Variants in MYOZ3 observed in about 807,000 individuals in gnomAD.
MYOZ3 encodes the protein myozenin 3.
MYOZ3 carries 19 observed loss-of-function variants against 26.5 expected under a neutral mutation model. The observed-to-expected ratio is 0.72, with a 90% CI of 0.50 to 1.05. The LOEUF (loss-of-function observed/expected upper bound fraction) is 1.05, where lower values mean the gene tolerates loss of function less well. Ranked by LOEUF, MYOZ3 falls within the 50% of genes least tolerant of loss-of-function variation. The pLI, the probability that MYOZ3 is intolerant of heterozygous loss-of-function variation, is 0.00. For synonymous variants in MYOZ3, 135 were observed against 138.8 expected (o/e 0.97, Z 0.19); for missense variants, 322 against 337.1 (o/e 0.96, Z 0.35).
chr5:150,679,242 G>C lies in MYOZ3; in HGVS notation c.*2367G>C, dbSNP rs1015882623. ...GCCACCAGGTATGAAAAGGAGCCTG[G>C]TGGGGAGACCACTGCACCCAAAACA... On this transcript the variant is annotated 3_prime_UTR_variant, in exon 7 of 7. Transcript: ENST00000517768. 1.3e-5 allele frequency: 2 copies of C among 152,088 alleles called. No homozygotes were observed. The highest frequency in any genetic ancestry group is 4.8e-5 in the African/African-American group (2 of 41,296). 9.4% of individuals were successfully genotyped at this position (152,088 alleles called of 1,614,324 possible).
chr5:150,668,310 T>C (rs1758839729), intron 2 of MYOZ3, among the ~76,000 whole-genome samples: 1 of 152,360 alleles, frequency 6.6e-6, no homozygotes, highest in South Asian at 2.1e-4. Flanking sequence ...TATTGCTAAA[T>C]ATAATAGTGG....
rs755230009 is a variant in MYOZ3, at chr5:150,672,304, A to G, written c.425-36A>G. ...AGGTGGGGTTGGGGGCTGAGGGTGG[A>G]AGAACGGAGGCGCTCCCTTCCCCCC... On this transcript the variant is annotated intron_variant, in intron 5 of 6. Coordinates refer to ENST00000517768, the MANE Select transcript of MYOZ3 (RefSeq NM_001122853.3). 1.9e-6 allele frequency: 3 copies of G among 1,561,920 alleles called. No homozygotes were observed. The Admixed American group carries it at 5.8e-5, about 30-fold the overall frequency.
intron 6 of MYOZ3, among the ~76,000 whole-genome samples, chr5:150,675,626 G>C (rs2151449935): frequency 6.6e-6 from 1 of 152,276 alleles, no homozygotes; most frequent in African/African-American, 2.4e-5. Flanking sequence ...GCCCTCCTCG[G>C]CCTCCCAAAG....
At chr5:150,673,737 C>T (rs1307607563) in intron 6 of MYOZ3, among the ~76,000 whole-genome samples, 1 of 152,170 alleles carries the variant, frequency 6.6e-6, no homozygotes, top group African/African-American at 2.4e-5. Flanking sequence ...GAAAACAAAC[C>T]ATAGGAATCA....
chr5:150,674,463 G>C (rs1355901521), intron 6 of MYOZ3, among the ~76,000 whole-genome samples: 1 of 152,258 alleles, frequency 6.6e-6, no homozygotes, highest in Non-Finnish European at 1.5e-5. Context: ...TCAGCTTCCA[G>C]GGTCCTGGGC....
At chr5:150,672,051 G>A (rs1451714610) in intron 5 of MYOZ3, 143 bp downstream of exon 5, 34 of 1,305,884 alleles carry the variant, frequency 2.6e-5, no homozygotes, top group Non-Finnish European at 3.5e-5. Flanking sequence ...CCCCTCGCCA[G>A]ACCACGAGCC....
rs982699590 is a variant in MYOZ3 at position 150,678,722 on chromosome 5, G to C, written c.*1847G>C. 1.3e-5 allele frequency: 2 copies of C among 152,216 alleles called. No individual in the cohort carries two copies. Among genetic ancestry groups the C allele is most frequent in the African/African-American group, 4.8e-5 (2 of 41,434 alleles). The allele number at this position is 152,216 out of a possible 1,614,324, so 9.4% of individuals were successfully genotyped here. On this transcript the variant is annotated 3_prime_UTR_variant, in exon 7 of 7. Transcript: ENST00000517768. Reference sequence around the variant, plus strand: ...GGACAAGTATAAAACCTCCTTTATGGGTTTGTTGTGAACACAGTGCAGGGC... The same window carrying C: ...GGACAAGTATAAAACCTCCTTTATGCGTTTGTTGTGAACACAGTGCAGGGC...
Position 150,663,026 on chromosome 5 carries a change from C to T in MYOZ3, c.61+24C>T, listed in dbSNP as rs60576922. 3,996 of 1,578,704 alleles carry T rather than the reference C, an allele frequency of 2.5e-3. 92 individuals are homozygous for T. The African/African-American group carries it at 0.048, about 19-fold the overall frequency. Reference sequence around the variant, plus strand: ...AGGTAAGGTGGTTCTAGCCTCATGCCTTCCTCAGACTCCATCATTTCCTTG... The same window carrying T: ...AGGTAAGGTGGTTCTAGCCTCATGCTTTCCTCAGACTCCATCATTTCCTTG... On this transcript the variant is annotated intron_variant, in intron 2 of 6. Transcript: ENST00000517768.
chr5:150,675,211 T>C (rs1581537676), intron 6 of MYOZ3, among the ~76,000 whole-genome samples: 1 of 150,704 alleles, frequency 6.6e-6, no homozygotes, highest in Admixed American at 6.6e-5. Flanking sequence ...TGCATGCCTG[T>C]AGGGGGAATG....
At chr5:150,666,982 C>T (rs1346977405) in intron 2 of MYOZ3, among the ~76,000 whole-genome samples, 1 of 152,152 alleles carries the variant, frequency 6.6e-6, no homozygotes, top group Non-Finnish European at 1.5e-5. Flanking sequence ...TGGTCTTGAA[C>T]TCCTGACCTC....
At chr5:150,663,269 G>A (rs1374320490) in intron 2 of MYOZ3, among the ~76,000 whole-genome samples, 1 of 152,254 alleles carries the variant, frequency 6.6e-6, no homozygotes, top group Non-Finnish European at 1.5e-5. Flanking sequence ...CCTGGCCCTG[G>A]CTTCATCTAA....
At chr5:150,665,992 G>T (rs1165895642) in intron 2 of MYOZ3, among the ~76,000 whole-genome samples, 2 of 145,818 alleles carry the variant, frequency 1.4e-5, no homozygotes, top group African/African-American at 5.2e-5. Flanking sequence ...CCGAGATCAT[G>T]CCATTGCACT....
Position 150,676,721 on chromosome 5 carries a change from T to C in MYOZ3, c.602T>C (p.Phe201Ser). ...YRNFNKTPVP[F>S]GGPLVGGTFP... is the part of the protein sequence containing the mutation. ...TCTTTCTCCAGGACCCCGGTGCCAT[T>C]TGGAGGACCCCTCGTGGGGGGCACT... is the stretch of plus-strand genomic sequence containing the variant. The change falls in exon 7 of 7, where the codon TTT becomes TCT. Residue 201 changes from phenylalanine (F) to serine (S), a missense_variant. Phe to Ser is a radical substitution (Grantham distance 155). Transcript: ENST00000517768. 2 of 1,613,892 alleles carry C rather than the reference T, an allele frequency of 1.2e-6. No homozygotes were observed. Among genetic ancestry groups the C allele is most frequent in the Non-Finnish European group, 1.7e-6 (2 of 1,179,962 alleles).
rs194134 is a variant in MYOZ3 at position 150,672,396 on chromosome 5, T to C, written c.481T>C (p.Ser161Pro). The C allele has an allele frequency of 0.99, 1,590,993 of 1,613,558 alleles. 784,400 individuals are homozygous for C. The highest frequency in any genetic ancestry group is 1 in the East Asian group (44,869 of 44,870). Residue 161 changes from serine to proline, a missense_variant, in exon 6 of 7, where the codon TCC (serine) becomes CCC (proline). Transcript: ENST00000517768. ...AGAGAAGTTCAACCACACCGCCATCTCCAAGGGCTACCGCTGCCCTTGGCA... is the reference window on the plus strand; with the variant it reads ...AGAGAAGTTCAACCACACCGCCATCCCCAAGGGCTACCGCTGCCCTTGGCA... ...PPEKFNHTAI[S>P]KGYRCPWQEF... is the part of the protein sequence containing the mutation.
At position 150,671,806 on chromosome 5, in the gene MYOZ3, A is replaced by G; in HGVS notation, c.322A>G (p.Ile108Val). 15 of 1,612,762 alleles carry G rather than the reference A, an allele frequency of 9.3e-6. No homozygotes were observed. The highest frequency in any genetic ancestry group is 1.3e-5 in the Non-Finnish European group (15 of 1,179,874). Residue 108 changes from isoleucine to valine, a missense_variant, in exon 5 of 7, where the codon ATC (isoleucine) becomes GTC (valine). By Grantham distance (29) the Ile-to-Val change is conservative (BLOSUM62 3). Coordinates refer to ENST00000517768, the MANE Select transcript of MYOZ3 (RefSeq NM_001122853.3). ...EGPNYRSELH[I>V]FPASPGASLG... ...GCCGAACTACCGCTCGGAGCTCCACATCTTCCCGGCCTCACCCGGGGCCTC... is the reference window on the plus strand; with the variant it reads ...GCCGAACTACCGCTCGGAGCTCCACGTCTTCCCGGCCTCACCCGGGGCCTC...
At chr5:150,672,666 C>G (rs1310172373) in intron 6 of MYOZ3, 164 bp downstream of exon 6, 2 of 727,784 alleles carry the variant, frequency 2.7e-6, no homozygotes, top group African/African-American at 3.6e-5. Context: ...GCCTCCGCAC[C>G]TGGTAGGTGC....
chr5:150,672,043 C>A, intron 5 of MYOZ3, 135 bp downstream of exon 5: 1 of 1,318,696 alleles, frequency 7.6e-7, no homozygotes, highest in Non-Finnish European at 1.0e-6. Flanking sequence ...CGCGCACTCC[C>A]CTCGCCAGAC....
At chr5:150,663,116 GC>G in intron 2 of MYOZ3, 114 bp downstream of exon 2, 1 of 854,490 alleles carries the variant, frequency 1.2e-6, no homozygotes, top group Non-Finnish European at 1.8e-6. Context: ...TGAGCTCCAG[GC>G]CAGCTCTGAG....
chr5:150,666,409 T>A (rs1758809496), intron 2 of MYOZ3, among the ~76,000 whole-genome samples: 1 of 151,610 alleles, frequency 6.6e-6, no homozygotes, highest in African/African-American at 2.4e-5. Context: ...TGGTCAGGAG[T>A]TTGGGACCAG....
Sources: allele counts gnomAD v4.1 joint callset (sites outside exome capture counted in the v4.1 genomes callset), GRCh38; gene constraint gnomAD v4.1.1; transcripts MANE v1.5; gene names NCBI Gene and HGNC (gene_info 2026-07-23, HGNC 2026-07-21).